Variants in KDM4C observed in about 807,000 individuals in gnomAD.
KDM4C encodes the protein lysine demethylase 4C.
A neutral mutation model predicts 129.3 loss-of-function variants in KDM4C; 81 were observed. The observed-to-expected ratio is 0.63, with a 90% CI of 0.52 to 0.75. The LOEUF (loss-of-function observed/expected upper bound fraction) is 0.75. KDM4C is among the 30% of genes least tolerant of loss of function. The pLI is 0.00. For synonymous variants in KDM4C, 573 were observed against 456.1 expected (o/e 1.26, Z -3.26); for missense variants, 1,457 against 1,304.0 (o/e 1.12, Z -1.81).
chr9:7,099,418 T>C (rs906218950), intron 17 of KDM4C, among the ~76,000 whole-genome samples: 1 of 152,228 alleles, frequency 6.6e-6, no homozygotes, highest in Admixed American at 6.5e-5. Context: ...GTAGCCTTAA[T>C]GGCCTATGCC....
intron 4 of KDM4C, among the ~76,000 whole-genome samples, chr9:6,837,177 C>A (rs1836029438): frequency 6.6e-6 from 1 of 152,166 alleles, no homozygotes; most frequent in Non-Finnish European, 1.5e-5. Context: ...CCCACCTCAG[C>A]CTCCTGAGTA....
At chr9:7,094,028 C>G (rs1159337637) in intron 17 of KDM4C, among the ~76,000 whole-genome samples, 3 of 152,222 alleles carry the variant, frequency 2.0e-5, no homozygotes, top group Admixed American at 6.5e-5. Flanking sequence ...TGCTAAACCT[C>G]TTACGTATGC....
intron 21 of KDM4C, chr9:7,170,194 A>C (rs1373620567): frequency 2.4e-6 from 3 of 1,240,418 alleles, no homozygotes; most frequent in Non-Finnish European, 3.1e-6. Context: ...CCAGGAGCAA[A>C]CAAAGATACC....
At chr9:6,993,452 C>T (rs1417288) in intron 12 of KDM4C, among the ~76,000 whole-genome samples, 151,300 of 152,364 alleles carry the variant, frequency 0.99, 75,131 homozygotes, top group East Asian at 1. Context: ...TTAAAAATTA[C>T]GCAAATGTTG....
At chr9:7,042,997 A>G (rs923115711) in intron 15 of KDM4C, among the ~76,000 whole-genome samples, 3 of 152,066 alleles carry the variant, frequency 2.0e-5, no homozygotes, top group African/African-American at 4.8e-5. Flanking sequence ...TAGTTGTGCA[A>G]AGTCTAAACT....
chr9:6,832,724 CTTTTT>C (rs35060245), intron 4 of KDM4C, among the ~76,000 whole-genome samples: 2 of 119,514 alleles, frequency 1.7e-5, no homozygotes, highest in Non-Finnish European at 1.7e-5. Context: ...TGTGCCCGGC[CTTTTT>C]TTTTTTTTTT....
chr9:7,074,964 C>T (rs1270366988), intron 17 of KDM4C, among the ~76,000 whole-genome samples: 5 of 152,232 alleles, frequency 3.3e-5, no homozygotes, highest in East Asian at 1.9e-4. Flanking sequence ...CCATACCCAG[C>T]GAATGGATGA....
At chr9:7,012,039 A>G (rs1360267816) in intron 13 of KDM4C, among the ~76,000 whole-genome samples, 160 bp downstream of exon 13, 8 of 152,184 alleles carry the variant, frequency 5.3e-5, no homozygotes, top group East Asian at 1.9e-4. Flanking sequence ...CAGTTTCTAC[A>G]TGATCCTTGA....
rs533564392 is a variant in KDM4C, at chr9:7,064,647, G to A, written c.2424+15447G>A. On this transcript the variant is annotated intron_variant, in intron 17 of 21. Coordinates refer to ENST00000381309, the MANE Select transcript of KDM4C (RefSeq NM_015061.6). ...ACTGGGAGAGGCATAGGGTTTAGTG[G>A]GAGGAAGTATATATTGGACTTTCTT... Among the ~76,000 whole-genome samples the A allele has an allele frequency of 1.1e-3, 164 of 152,272 alleles. 1 individual carries two copies. The highest frequency in any genetic ancestry group is 3.8e-3 in the African/African-American group (157 of 41,560).
At chr9:6,786,753 G>A (rs1475213481) in intron 1 of KDM4C, among the ~76,000 whole-genome samples, 1 of 152,060 alleles carries the variant, frequency 6.6e-6, no homozygotes, top group Admixed American at 6.6e-5. Flanking sequence ...AGAACTCAAG[G>A]AACAGAACAT....
intron 2 of KDM4C, among the ~76,000 whole-genome samples, chr9:6,804,256 TTTGAGAG>T (rs1328985190): frequency 6.6e-6 from 1 of 152,206 alleles, no homozygotes; most frequent in African/African-American, 2.4e-5. Flanking sequence ...TATACTGGCA[TTTGAGAG>T]TTGATAGTGC....
At chr9:6,876,142 G>A (rs536942636) in intron 5 of KDM4C, among the ~76,000 whole-genome samples, 2 of 152,260 alleles carry the variant, frequency 1.3e-5, no homozygotes, top group Admixed American at 1.3e-4. Flanking sequence ...CTTGATGTTA[G>A]GATTGTTTGA....
intron 1 of KDM4C, among the ~76,000 whole-genome samples, chr9:6,727,986 C>T (rs530745554): frequency 8.0e-5 from 12 of 149,998 alleles, no homozygotes; most frequent in Non-Finnish European, 1.5e-5. Flanking sequence ...TTCCCCTCCC[C>T]CAATAAGACC....
chr9:6,872,365 T>G (rs1354119365), intron 5 of KDM4C, among the ~76,000 whole-genome samples: 1 of 152,110 alleles, frequency 6.6e-6, no homozygotes, highest in Non-Finnish European at 1.5e-5. Context: ...GGTGGAGAGT[T>G]CTGTAAATGT....
chr9:7,092,275 T>C (rs1039780800), intron 17 of KDM4C, among the ~76,000 whole-genome samples: 1 of 152,140 alleles, frequency 6.6e-6, no homozygotes, highest in African/African-American at 2.4e-5. Context: ...CAGAGGGACA[T>C]GGTAACCTGC....
intron 15 of KDM4C, among the ~76,000 whole-genome samples, chr9:7,031,867 C>A (rs908284281): frequency 6.6e-6 from 1 of 152,176 alleles, no homozygotes; most frequent in East Asian, 1.9e-4. Flanking sequence ...CCAGAACTAT[C>A]TGAGGTGTAA....
At chr9:6,757,639 C>G (rs987258247), upstream of KDM4C, 7 of 985,380 alleles carry the variant, frequency 7.1e-6, no homozygotes, top group African/African-American at 5.2e-5. Context: ...GCGTCGGAGG[C>G]CGCCATAGGT....
At chr9:6,837,393 T>G (rs1210079802) in intron 4 of KDM4C, among the ~76,000 whole-genome samples, 1 of 152,200 alleles carries the variant, frequency 6.6e-6, no homozygotes, top group Non-Finnish European at 1.5e-5. Flanking sequence ...TGAGCTATAA[T>G]TTATACAATA....
chr9:7,103,994 G>A (rs762670193), intron 18 of KDM4C, 124 bp downstream of exon 18: 17 of 874,590 alleles, frequency 1.9e-5, no homozygotes, highest in African/African-American at 5.1e-5. Flanking sequence ...TGTCTAGACC[G>A]TGAGTTCCTT....
Sources: gnomAD v4.1 joint callset for allele counts (sites outside exome capture counted in the v4.1 genomes callset) on GRCh38, gnomAD v4.1.1 for gene constraint, MANE v1.5 for transcripts, NCBI Gene and HGNC (gene_info 2026-07-23, HGNC 2026-07-21) for gene names.